KLHL7: variants seen among roughly 807,000 people sequenced by gnomAD.
KLHL7 encodes the protein kelch-like protein 7.
A neutral mutation model predicts 67.4 loss-of-function variants in KLHL7; 44 were observed. The observed-to-expected ratio is 0.65, with a 90% CI of 0.51 to 0.84. The LOEUF (loss-of-function observed/expected upper bound fraction) is 0.84. Among genes scored for constraint, KLHL7 ranks in the 40% least tolerant of loss-of-function variants. The pLI is 0.00. For missense variants in KLHL7, 362 were observed against 718.1 expected (o/e 0.50, Z 5.67); for synonymous variants, 252 against 243.3 (o/e 1.04, Z -0.33).
intron 4 of KLHL7, among the ~76,000 whole-genome samples, chr7:23,131,518 A>G (rs1783797866): frequency 6.6e-6 from 1 of 152,108 alleles, no homozygotes; most frequent in Non-Finnish European, 1.5e-5. Flanking sequence ...TTTTGTGGGT[A>G]CATAGTTGGT....
intron 1 of KLHL7, among the ~76,000 whole-genome samples, chr7:23,107,218 T>A (rs1782680770): frequency 2.0e-5 from 3 of 152,266 alleles, no homozygotes. Context: ...AAATCTTTCC[T>A]GGCCTGGCCT....
chr7:23,133,640 G>T (rs990685453), intron 4 of KLHL7, among the ~76,000 whole-genome samples: 2 of 151,962 alleles, frequency 1.3e-5, no homozygotes. Context: ...CACCATGTTG[G>T]CCAGGCTGTT....
chr7:23,138,610 T>G lies in KLHL7; in HGVS notation c.443-2159T>G, dbSNP rs1398613539. On this transcript the variant is annotated intron_variant, in intron 4 of 10. Coordinates refer to ENST00000339077, the MANE Select transcript of KLHL7 (RefSeq NM_001031710.3). ...TGGAGTGCAGTGGCCCAATCTCAGC[T>G]CACTGCAACCTCTGCCTCCCGGGTT... Among the ~76,000 whole-genome samples, 3 of 151,814 alleles carry G rather than the reference T, an allele frequency of 2.0e-5. No individual in the cohort carries two copies. In the East Asian group the frequency reaches 5.8e-4, roughly 30 times the overall value.
At chr7:23,110,651 C>T (rs770159448) in intron 1 of KLHL7, among the ~76,000 whole-genome samples, 2 of 151,296 alleles carry the variant, frequency 1.3e-5, no homozygotes, top group Non-Finnish European at 2.9e-5. Context: ...TTTTAGGGTA[C>T]ATGTGCACAA....
rs527937264 is a variant in KLHL7, at chr7:23,176,674, TA to T, written c.*2394del. On this transcript the variant is annotated 3_prime_UTR_variant, in exon 11 of 11. Transcript: ENST00000339077. ...GTGACAGACTGAGACCCTGTCTCAT[TA>T]AAAAAAAAAAAAAAAAAGCTGGGCG... is the stretch of plus-strand genomic sequence containing the variant. 0.033 allele frequency: 3,753 copies of T among 112,650 alleles called. 114 individuals are homozygous for T. The highest frequency in any genetic ancestry group is 0.1 in the African/African-American group (3,026 of 30,284). The allele number at this position is 112,650 out of a possible 1,614,324, so 7.0% of individuals were successfully genotyped here.
At chr7:23,133,463 G>A (rs1045246672) in intron 4 of KLHL7, among the ~76,000 whole-genome samples, 28 of 151,694 alleles carry the variant, frequency 1.8e-4, no homozygotes, top group African/African-American at 6.3e-4. Flanking sequence ...ACAGAGCCTT[G>A]CTCTGTCACC....
chr7:23,147,094 C>CTTTTTTTTTT lies in KLHL7; in HGVS notation c.793+3078_793+3087dup, dbSNP rs397889904. Among the ~76,000 whole-genome samples, 8 of 118,580 alleles carry CTTTTTTTTTT rather than the reference C, an allele frequency of 6.7e-5. 3 individuals are homozygous for CTTTTTTTTTT. The highest frequency in any genetic ancestry group is 1.8e-4 in the African/African-American group (6 of 32,504). 77.8% of individuals were successfully genotyped at this position (118,580 alleles called of 152,430 possible). ...TCTATGTATTACTTATTAACCTGGACTTTTTTTTTTTTTTTTTTAGACAGT... is the reference window on the plus strand; with the variant it reads ...TCTATGTATTACTTATTAACCTGGACTTTTTTTTTTTTTTTTTTTTTTTTTTTTAGACAGT... On this transcript the variant is annotated intron_variant, in intron 6 of 10. Transcript: ENST00000339077.
At chr7:23,132,515 A>G (rs1006600001) in intron 4 of KLHL7, among the ~76,000 whole-genome samples, 13 of 151,886 alleles carry the variant, frequency 8.6e-5, no homozygotes, top group Admixed American at 3.3e-4. Context: ...TTTTTTTCTT[A>G]TAGAGCTCCG....
At chr7:23,162,132 G>T (rs115487850) in intron 7 of KLHL7, among the ~76,000 whole-genome samples, 1 of 152,114 alleles carries the variant, frequency 6.6e-6, no homozygotes, top group Non-Finnish European at 1.5e-5. Context: ...CCAGTCCTTT[G>T]TTCTTTCTAG....
intron 1 of KLHL7, among the ~76,000 whole-genome samples, chr7:23,117,465 CT>C (rs36039061): frequency 6.6e-6 from 1 of 151,948 alleles, no homozygotes; most frequent in Non-Finnish European, 1.5e-5. Flanking sequence ...ACAAAAATAG[CT>C]TTTTTTTCTT....
At chr7:23,129,298 G>A in intron 4 of KLHL7, 3 of 279,670 alleles carry the variant, frequency 1.1e-5, no homozygotes, top group South Asian at 8.1e-5. Context: ...CTCCAGCAGG[G>A]ACTGCTCCAG....
At chr7:23,143,324 C>T (rs1784251215) in intron 5 of KLHL7, among the ~76,000 whole-genome samples, 1 of 152,036 alleles carries the variant, frequency 6.6e-6, no homozygotes, top group Admixed American at 6.5e-5. Flanking sequence ...TTTTGAATAT[C>T]CTGTAATTTA....
chr7:23,116,321 G>T (rs576910740), intron 1 of KLHL7, among the ~76,000 whole-genome samples: 31 of 152,320 alleles, frequency 2.0e-4, no homozygotes, highest in South Asian at 4.1e-4. Flanking sequence ...GGCCCTTACA[G>T]CATGCTCCTC....
chr7:23,174,796 C>G lies in KLHL7; in HGVS notation c.*498C>G. 2.2e-6 allele frequency: 1 copy of G among 454,550 alleles called. No individual in the cohort carries two copies. Among genetic ancestry groups the G allele is most frequent in the Non-Finnish European group, 4.4e-6 (1 of 226,826 alleles). 28.2% of individuals were successfully genotyped at this position (454,550 alleles called of 1,614,324 possible). A position where few individuals can be genotyped will look rare whatever the true frequency, so the allele number is the denominator to read the frequency against. On this transcript the variant is annotated 3_prime_UTR_variant, in exon 11 of 11. Coordinates refer to ENST00000339077, the MANE Select transcript of KLHL7 (RefSeq NM_001031710.3). ...CTTGTCTATTTATTTTATTTAGTGC[C>G]AAATGTATTCCATTTTAAAAGTAAG...
intron 4 of KLHL7, chr7:23,125,705 G>A (rs1170927592): frequency 1.4e-6 from 2 of 1,430,802 alleles, no homozygotes; most frequent in South Asian, 1.6e-5. Context: ...TACTAACTGA[G>A]GGACTGCTAT....
At position 23,152,093 on chromosome 7, in the gene KLHL7, C is replaced by A. The variant is rs369326533; in HGVS notation, c.820C>A (p.Pro274Thr). 13 of 1,613,768 alleles carry A rather than the reference C, an allele frequency of 8.1e-6. No homozygotes were observed. The highest frequency in any genetic ancestry group is 1.1e-5 in the Non-Finnish European group (13 of 1,179,846). The change falls in exon 7 of 11, where the codon CCA becomes ACA. Residue 274 changes from proline (P) to threonine (T), a missense_variant. By Grantham distance (38) the Pro-to-Thr change is conservative. Around this residue, in one of 5 missense-constraint regions of KLHL7, gnomAD observed 155 missense variants for 280.8 expected, o/e 0.55. Coordinates refer to ENST00000339077, the MANE Select transcript of KLHL7 (RefSeq NM_001031710.3). Reference protein sequence around the residue: ...ISGMRYHLLSPEDREELVDGT... With the variant: ...ISGMRYHLLSTEDREELVDGT... ...TGGAATGAGGTACCATCTACTGTCT[C>A]CAGAGGACCGAGAAGAACTTGTAGA...
At chr7:23,161,282 A>G (rs972620687) in intron 7 of KLHL7, among the ~76,000 whole-genome samples, 1 of 152,126 alleles carries the variant, frequency 6.6e-6, no homozygotes, top group African/African-American at 2.4e-5. Flanking sequence ...TACAGACTGT[A>G]TTTTACTCTC....
chr7:23,133,725 T>C (rs1050960856), intron 4 of KLHL7, among the ~76,000 whole-genome samples: 4 of 152,320 alleles, frequency 2.6e-5, no homozygotes. Flanking sequence ...TGAACCACCA[T>C]GCCCAGCCCT....
chr7:23,152,617 A>G (rs147817497), intron 7 of KLHL7, among the ~76,000 whole-genome samples: 3 of 152,316 alleles, frequency 2.0e-5, no homozygotes, highest in African/African-American at 7.2e-5. Context: ...GAATATTTGG[A>G]AACCCTAGAA....
Sources: gnomAD v4.1 joint callset for allele counts (sites outside exome capture counted in the v4.1 genomes callset) on GRCh38, gnomAD v4.1.1 for gene constraint, gnomAD v4.1.1 regional missense constraint, MANE v1.5 for transcripts, NCBI Gene and HGNC (gene_info 2026-07-23, HGNC 2026-07-21) for gene names.